The following SAMD4A variants were observed in gnomAD, a reference collection of about 807,000 sequenced individuals.
The protein encoded by SAMD4A is sterile alpha motif domain containing 4A, also known as protein Smaug homolog 1.
In SAMD4A, 33 loss-of-function variants were observed where a neutral mutation model predicts 81.3. The observed-to-expected ratio is 0.41, with a 90% CI of 0.31 to 0.54. The LOEUF (loss-of-function observed/expected upper bound fraction) is 0.54, where lower values mean the gene tolerates loss of function less well. SAMD4A is among the 20% of genes least tolerant of loss of function. The pLI is 0.37. For missense variants in SAMD4A, 854 were observed against 951.1 expected (o/e 0.90, Z 1.34); for synonymous variants, 389 against 382.1 (o/e 1.02, Z -0.21).
At chr14:54,776,695 A>C (rs913708286) in intron 11 of SAMD4A, among the ~76,000 whole-genome samples, 155 bp downstream of exon 11, 2 of 152,242 alleles carry the variant, frequency 1.3e-5, no homozygotes, top group Non-Finnish European at 2.9e-5. Context: ...CCTTGCCAGC[A>C]TGAATAGCGG....
chr14:54,626,064 G>A (rs540911453), intron 2 of SAMD4A, among the ~76,000 whole-genome samples: 23 of 92,910 alleles, frequency 2.5e-4, no homozygotes, highest in Middle Eastern at 6.5e-3. Flanking sequence ...GTGTGTGCGC[G>A]CGCGCGCGCG....
intron 2 of SAMD4A, among the ~76,000 whole-genome samples, chr14:54,590,600 C>CCCTCT (rs2033748366): frequency 1.3e-5 from 2 of 152,194 alleles, no homozygotes; most frequent in Admixed American, 6.5e-5. Context: ...TTGAATCCCT[C>CCCTCT]CCTCTCCTCT....
chr14:54,626,168 C>G (rs2034759870), intron 2 of SAMD4A, among the ~76,000 whole-genome samples: 1 of 151,970 alleles, frequency 6.6e-6, no homozygotes, highest in Non-Finnish European at 1.5e-5. Context: ...AATAGTGGCT[C>G]TAGTTTAATT....
In SAMD4A at chr14:54,630,560, T is replaced by TTA. The variant is rs1258038081; in HGVS notation, c.196+62454_196+62455dup. Reference sequence around the variant, plus strand: ...TTTGTTGTTGCATTGTAGGAGTTCTTTATATATTCTGAGTATTAACCCCTT... The same window carrying TTA: ...TTTGTTGTTGCATTGTAGGAGTTCTTTATATATATTCTGAGTATTAACCCCTT... On this transcript the variant is annotated intron_variant, in intron 2 of 12. Transcript: ENST00000554335. Among the ~76,000 whole-genome samples the TTA allele has an allele frequency of 3.3e-5, 5 of 152,334 alleles. No homozygotes were observed. In the South Asian group the frequency reaches 8.3e-4, roughly 25 times the overall value.
chr14:54,706,733 G>A (rs903860835), intron 3 of SAMD4A, among the ~76,000 whole-genome samples: 5 of 152,102 alleles, frequency 3.3e-5, no homozygotes, highest in African/African-American at 9.7e-5. Flanking sequence ...CCCTGGGTAG[G>A]AATACGCACT....
At chr14:54,736,158 A>G (rs1352645238) in intron 3 of SAMD4A, among the ~76,000 whole-genome samples, 1 of 152,172 alleles carries the variant, frequency 6.6e-6, no homozygotes, top group Non-Finnish European at 1.5e-5. Context: ...AATGACTTCA[A>G]TTTAATTTGG....
intron 12 of SAMD4A, among the ~76,000 whole-genome samples, chr14:54,784,889 G>A (rs1424437775): frequency 6.6e-6 from 1 of 152,198 alleles, no homozygotes; most frequent in Non-Finnish European, 1.5e-5. Flanking sequence ...TCTGTCCCCA[G>A]AAGCTCCACC....
chr14:54,751,715 T>C (rs1373155216), intron 6 of SAMD4A, among the ~76,000 whole-genome samples, 178 bp downstream of exon 6: 4 of 152,222 alleles, frequency 2.6e-5, no homozygotes, highest in Non-Finnish European at 5.9e-5. Context: ...CGTGCTTCTT[T>C]GAAAGCTGAT....
intron 2 of SAMD4A, among the ~76,000 whole-genome samples, chr14:54,647,503 A>G (rs1381545060): frequency 6.6e-6 from 1 of 152,208 alleles, no homozygotes; most frequent in African/African-American, 2.4e-5. Flanking sequence ...GCACCATTCA[A>G]TATTGGTTCT....
At chr14:54,676,462 C>A (rs1003314014) in intron 2 of SAMD4A, among the ~76,000 whole-genome samples, 1 of 152,126 alleles carries the variant, frequency 6.6e-6, no homozygotes, top group Non-Finnish European at 1.5e-5. Context: ...CTGTAACCTC[C>A]GCCTCCCAAG....
intron 2 of SAMD4A, chr14:54,685,737 A>T: frequency 2.2e-6 from 1 of 456,740 alleles, no homozygotes; most frequent in South Asian, 1.5e-5. Flanking sequence ...GAACACTTAC[A>T]ACCAGAACAG....
At chr14:54,582,321 G>T (rs927011921) in intron 2 of SAMD4A, among the ~76,000 whole-genome samples, 19 of 152,100 alleles carry the variant, frequency 1.2e-4, no homozygotes, top group African/African-American at 4.6e-4. Context: ...GATGCCCAGA[G>T]TTAAAATAGG....
chr14:54,753,264 C>A (rs563175763), intron 6 of SAMD4A, among the ~76,000 whole-genome samples: 34 of 152,400 alleles, frequency 2.2e-4, no homozygotes, highest in African/African-American at 7.9e-4. Flanking sequence ...GGACAATACC[C>A]CGCTTTCAAG....
At chr14:54,639,379 C>T (rs1368160071) in intron 2 of SAMD4A, among the ~76,000 whole-genome samples, 2 of 152,176 alleles carry the variant, frequency 1.3e-5, no homozygotes, top group Non-Finnish European at 2.9e-5. Flanking sequence ...CTGTTTCTTG[C>T]ATGTGTCTCA....
chr14:54,619,369 CTG>C (rs1196996142), intron 2 of SAMD4A, among the ~76,000 whole-genome samples: 1 of 152,116 alleles, frequency 6.6e-6, no homozygotes, highest in Non-Finnish European at 1.5e-5. Context: ...TCTTTTCTGA[CTG>C]TGTCTATATG....
chr14:54,682,958 C>T (rs2036164480), intron 2 of SAMD4A, among the ~76,000 whole-genome samples: 1 of 152,168 alleles, frequency 6.6e-6, no homozygotes, highest in South Asian at 2.1e-4. Flanking sequence ...TTGTCCTCTC[C>T]CATTGCTGGC....
chr14:54,747,074 C>A (rs1288854299), intron 4 of SAMD4A, among the ~76,000 whole-genome samples: 1 of 152,182 alleles, frequency 6.6e-6, no homozygotes, highest in Non-Finnish European at 1.5e-5. Flanking sequence ...CTTGATCCAA[C>A]TGCAATTTGA....
intron 2 of SAMD4A, among the ~76,000 whole-genome samples, chr14:54,613,420 G>C (rs2034413931): frequency 6.6e-6 from 1 of 152,160 alleles, no homozygotes; most frequent in Non-Finnish European, 1.5e-5. Flanking sequence ...GGTTTAAAGG[G>C]CTAGGGCTGG....
At chr14:54,676,899 G>A (rs2036005560) in intron 2 of SAMD4A, among the ~76,000 whole-genome samples, 1 of 152,244 alleles carries the variant, frequency 6.6e-6, no homozygotes, top group Non-Finnish European at 1.5e-5. Context: ...ACAGGATGCA[G>A]AAGAGATCCT....
Sources: gnomAD v4.1 joint callset for allele counts (sites outside exome capture counted in the v4.1 genomes callset) on GRCh38, gnomAD v4.1.1 for gene constraint, MANE v1.5 for transcripts, NCBI Gene and HGNC (gene_info 2026-07-23, HGNC 2026-07-21) for gene names.